NPSR1: variants seen among roughly 807,000 people sequenced by gnomAD.
NPSR1 encodes neuropeptide S receptor.
Under a neutral mutation model 46.9 loss-of-function variants are expected in NPSR1, and 48 were observed. The observed-to-expected ratio is 1.02, with a 90% CI of 0.81 to 1.30. NPSR1 has a LOEUF of 1.30. Among genes scored for constraint, NPSR1 ranks in the 50% most tolerant of loss-of-function variants. The pLI is 0.00. For missense variants in NPSR1, 450 were observed against 449.5 expected (o/e 1.00, Z -0.01); for synonymous variants, 176 against 168.1 (o/e 1.05, Z -0.36).
chr7:34,764,934 C>T (rs1470406345), intron 2 of NPSR1, among the ~76,000 whole-genome samples: 1 of 152,106 alleles, frequency 6.6e-6, no homozygotes, highest in Non-Finnish European at 1.5e-5. Context: ...CCTAAAACCA[C>T]CAGTAGCAAG....
intron 2 of NPSR1, among the ~76,000 whole-genome samples, chr7:34,753,236 A>C (rs926738408): frequency 6.6e-6 from 1 of 152,216 alleles, no homozygotes; most frequent in Non-Finnish European, 1.5e-5. Flanking sequence ...TGCTGCCAAA[A>C]GTAGAAAGAT....
intron 1 of NPSR1, among the ~76,000 whole-genome samples, chr7:34,665,282 C>T (rs1791679883): frequency 6.6e-6 from 1 of 152,180 alleles, no homozygotes; most frequent in Non-Finnish European, 1.5e-5. Context: ...GCTACACCTT[C>T]TAGAACAAGT....
intron 3 of NPSR1, among the ~76,000 whole-genome samples, chr7:34,799,498 T>G (rs1261829434): frequency 6.6e-6 from 1 of 151,324 alleles, no homozygotes; most frequent in Non-Finnish European, 1.5e-5. Flanking sequence ...TAAAATATTT[T>G]ACAGACAAGC....
intron 2 of NPSR1, among the ~76,000 whole-genome samples, chr7:34,745,255 C>T (rs1313809705): frequency 6.6e-6 from 1 of 152,146 alleles, no homozygotes; most frequent in East Asian, 1.9e-4. Context: ...ATTCATTATG[C>T]CTCTTCACTT....
chr7:34,860,311 C>G (rs1791158424), intron 8 of NPSR1, among the ~76,000 whole-genome samples: 1 of 151,772 alleles, frequency 6.6e-6, no homozygotes, highest in Non-Finnish European at 1.5e-5. Flanking sequence ...AAAGACCAAA[C>G]AAGTCCTTTA....
intron 5 of NPSR1, among the ~76,000 whole-genome samples, chr7:34,828,431 G>A (rs2128756797): frequency 6.6e-6 from 1 of 152,336 alleles, no homozygotes; most frequent in Admixed American, 6.5e-5. Context: ...ACAGAGATTA[G>A]CACAACAACC....
At chr7:34,689,409 T>A (rs1158068698) in intron 2 of NPSR1, among the ~76,000 whole-genome samples, 3 of 150,976 alleles carry the variant, frequency 2.0e-5, no homozygotes, top group Non-Finnish European at 4.4e-5. Context: ...ATCGAGACCA[T>A]CCTGGCTAAT....
At position 34,760,797 on chromosome 7, in the gene NPSR1, C is replaced by T. The variant is rs188673448; in HGVS notation, c.281-17665C>T. 3.3e-3 allele frequency among the ~76,000 whole-genome samples: 495 copies of T among 152,200 alleles called. 6 individuals are homozygous for T. The highest frequency in any genetic ancestry group is 0.011 in the African/African-American group (462 of 41,530). On this transcript the variant is annotated intron_variant, in intron 2 of 8. Coordinates refer to ENST00000360581, the MANE Select transcript of NPSR1 (RefSeq NM_207172.2). ...TTCTTGATCAAGAAAACTGATACTA[C>T]GGAGCTTTATATTCAGTACTTTGAT...
chr7:34,841,884 C>A (rs1790576959), intron 6 of NPSR1, among the ~76,000 whole-genome samples: 1 of 152,216 alleles, frequency 6.6e-6, no homozygotes, highest in South Asian at 2.1e-4. Context: ...AGTGGGGACA[C>A]TTTGAAAGAA....
chr7:34,789,691 G>A (rs567129148), intron 3 of NPSR1, among the ~76,000 whole-genome samples: 1 of 141,522 alleles, frequency 7.1e-6, no homozygotes, highest in Admixed American at 7.5e-5. Flanking sequence ...TACTCAGGAG[G>A]CTGAGGCAAG....
At chr7:34,767,947 T>C (rs1365225832) in intron 2 of NPSR1, among the ~76,000 whole-genome samples, 2 of 152,164 alleles carry the variant, frequency 1.3e-5, no homozygotes, top group African/African-American at 2.4e-5. Flanking sequence ...TAGTGTTCCA[T>C]ATTACTGTAG....
At chr7:34,758,021 T>A (rs1256445913) in intron 2 of NPSR1, 1 of 152,660 alleles carries the variant, frequency 6.6e-6, no homozygotes, top group Non-Finnish European at 1.5e-5. Flanking sequence ...TGACCATAAC[T>A]GGTGTTTCAA....
At chr7:34,691,529 T>C (rs1329755534) in intron 2 of NPSR1, among the ~76,000 whole-genome samples, 3 of 151,874 alleles carry the variant, frequency 2.0e-5, no homozygotes, top group Non-Finnish European at 2.9e-5. Flanking sequence ...ATATATATCA[T>C]GCAAATGGGA....
At chr7:34,672,753 T>C (rs1414538783) in intron 1 of NPSR1, among the ~76,000 whole-genome samples, 1 of 152,142 alleles carries the variant, frequency 6.6e-6, no homozygotes, top group Non-Finnish European at 1.5e-5. Flanking sequence ...CTGTCACTTG[T>C]AATCATGGTG....
rs531339488 is a variant in NPSR1, at chr7:34,842,856, T to G, written c.758-2040T>G. Among the ~76,000 whole-genome samples the G allele has an allele frequency of 2.0e-5, 3 of 152,346 alleles. No individual in the cohort carries two copies. In the East Asian group the frequency reaches 5.8e-4, roughly 29 times the overall value. On this transcript the variant is annotated intron_variant, in intron 6 of 8. Coordinates refer to ENST00000360581, the MANE Select transcript of NPSR1 (RefSeq NM_207172.2). Reference sequence around the variant, plus strand: ...CAGCCCAAGCTCCTCAGAAAGACATTCAAGGCCTCCCCAGTTTGCCTTCAG... The same window carrying G: ...CAGCCCAAGCTCCTCAGAAAGACATGCAAGGCCTCCCCAGTTTGCCTTCAG...
At chr7:34,666,495 CT>C (rs1410333094) in intron 1 of NPSR1, among the ~76,000 whole-genome samples, 1 of 152,092 alleles carries the variant, frequency 6.6e-6, no homozygotes, top group Admixed American at 6.6e-5. Flanking sequence ...TGATGTCCCC[CT>C]GACTTGAATT....
chr7:34,863,302 A>T (rs1193159288), intron 8 of NPSR1, among the ~76,000 whole-genome samples: 1 of 151,846 alleles, frequency 6.6e-6, no homozygotes, highest in Non-Finnish European at 1.5e-5. Context: ...AGGCAATACC[A>T]TTAGGACATA....
chr7:34,713,347 C>CA (rs1783399547), intron 2 of NPSR1, among the ~76,000 whole-genome samples: 1 of 151,956 alleles, frequency 6.6e-6, no homozygotes, highest in South Asian at 2.1e-4. Context: ...GGAAAATGCC[C>CA]AAAAATATTC....
chr7:34,775,065 G>T (rs1786886112), intron 2 of NPSR1, among the ~76,000 whole-genome samples: 1 of 152,258 alleles, frequency 6.6e-6, no homozygotes. Flanking sequence ...CACAGGGTTT[G>T]TCTCTCACCC....
Sources: allele counts gnomAD v4.1 joint callset (sites outside exome capture counted in the v4.1 genomes callset), GRCh38; gene constraint gnomAD v4.1.1; transcripts MANE v1.5; gene names NCBI Gene and HGNC (gene_info 2026-07-23, HGNC 2026-07-21).